USP31: variants seen among roughly 807,000 people sequenced by gnomAD.
The protein encoded by USP31 is ubiquitin specific peptidase 31.
Under a neutral mutation model 119.4 loss-of-function variants are expected in USP31, and 44 were observed. The ratio of observed to expected loss-of-function variants is 0.37; its 90% CI spans 0.29 to 0.47. The LOEUF is 0.47. Ranked by LOEUF, USP31 falls within the 20% of genes least tolerant of loss-of-function variation. The pLI is 0.99. For synonymous variants in USP31, 749 were observed against 705.6 expected (o/e 1.06, Z -0.97); for missense variants, 1,643 against 1,730.2 (o/e 0.95, Z 0.89).
chr16:23,134,802 G>A (rs1168305956), intron 1 of USP31, among the ~76,000 whole-genome samples: 1 of 151,596 alleles, frequency 6.6e-6, no homozygotes, highest in South Asian at 2.1e-4. Context: ...AAAACTTTCT[G>A]TAATATACAA....
intron 14 of USP31, 95 bp from the exon 15 acceptor site, chr16:23,072,292 G>C: frequency 6.6e-7 from 1 of 1,516,150 alleles, no homozygotes; most frequent in South Asian, 1.2e-5. Flanking sequence ...GAGCTGAGCT[G>C]GGGGGCGTTG....
intron 13 of USP31, among the ~76,000 whole-genome samples, chr16:23,074,612 A>C (rs761502498): frequency 2.0e-5 from 3 of 152,166 alleles, no homozygotes; most frequent in Non-Finnish European, 4.4e-5. Flanking sequence ...CTTGGCTTGC[A>C]CTTGAAGCCC....
intron 1 of USP31, among the ~76,000 whole-genome samples, chr16:23,148,138 G>A (rs1903581420): frequency 2.6e-5 from 4 of 152,014 alleles, no homozygotes; most frequent in Admixed American, 2.6e-4. Flanking sequence ...AATAAAAAAC[G>A]GTTAAATATG....
chr16:23,062,674 G>C lies in USP31; in HGVS notation c.*5372C>G, dbSNP rs1899892786. On this transcript the variant is annotated 3_prime_UTR_variant, in exon 16 of 16. Coordinates refer to ENST00000219689, the MANE Select transcript of USP31 (RefSeq NM_020718.4). ...TGGGGAAAAGGTTCTGGGGACAGAT[G>C]CAAACCCCGCGGGGACACTCAGCCT... The C allele has an allele frequency of 6.6e-6, 1 of 152,424 alleles. No homozygotes were observed. 9.4% of individuals were successfully genotyped at this position (152,424 alleles called of 1,614,324 possible). A position where few individuals can be genotyped will look rare whatever the true frequency, so the allele number is the denominator to read the frequency against.
At chr16:23,107,222 C>T (rs919176235) in intron 2 of USP31, among the ~76,000 whole-genome samples, 1 of 152,094 alleles carries the variant, frequency 6.6e-6, no homozygotes, top group Non-Finnish European at 1.5e-5. Flanking sequence ...TTGTATTTAA[C>T]TTTTCATGTC....
intron 11 of USP31, among the ~76,000 whole-genome samples, chr16:23,083,358 AAAC>A (rs1342206061): frequency 6.6e-5 from 10 of 152,118 alleles, no homozygotes; most frequent in Non-Finnish European, 1.5e-4. Context: ...ACTAGACTAC[AAAC>A]AGCATGAAGG....
At chr16:23,115,375 G>C (rs957652244) in intron 1 of USP31, among the ~76,000 whole-genome samples, 1 of 152,182 alleles carries the variant, frequency 6.6e-6, no homozygotes, top group African/African-American at 2.4e-5. Context: ...AATAGAATGT[G>C]GGCCAGGTGT....
At position 23,068,164 on chromosome 16, in the gene USP31, G is replaced by T; in HGVS notation, c.3941C>A (p.Ser1314Tyr). The T allele has an allele frequency of 6.2e-7, 1 of 1,614,204 alleles. No individual in the cohort carries two copies. The highest frequency in any genetic ancestry group is 8.5e-7 in the Non-Finnish European group (1 of 1,180,052). Reference sequence around the variant, plus strand: ...CGAGGGAACTCCAGAGTCTAGTTGGGAAGACTTGGATTTGCGAGCGGACAG... The same window carrying T: ...CGAGGGAACTCCAGAGTCTAGTTGGTAAGACTTGGATTTGCGAGCGGACAG... Reference protein sequence around the residue: ...SLLSARKSKSSQLDSGVPSSP... With the variant: ...SLLSARKSKSYQLDSGVPSSP... Residue 1314 changes from serine (S) to tyrosine (Y), a missense_variant, in exon 16 of 16, where the codon TCC becomes TAC. Around this residue, in one of 5 missense-constraint regions of USP31, gnomAD observed 699 missense variants for 650.9 expected, o/e 1.07. Coordinates refer to ENST00000219689, the MANE Select transcript of USP31 (RefSeq NM_020718.4).
At chr16:23,073,131 T>C (rs1596683630) in intron 14 of USP31, among the ~76,000 whole-genome samples, 2 of 152,236 alleles carry the variant, frequency 1.3e-5, no homozygotes, top group South Asian at 4.1e-4. Context: ...TGGGTACTGG[T>C]CCCTGCATTT....
chr16:23,062,304 A>G lies in USP31; in HGVS notation c.*5742T>C, dbSNP rs1184209308. ...CAGAGTGCCAAATTCTGGGATGTGT[A>G]TTACTTAATGGTAAAACAAACAAAA... On this transcript the variant is annotated 3_prime_UTR_variant, in exon 16 of 16. Transcript: ENST00000219689. 1.3e-5 allele frequency: 2 copies of G among 152,522 alleles called. No homozygotes were observed. Among genetic ancestry groups the G allele is most frequent in the Non-Finnish European group, 2.9e-5 (2 of 68,030 alleles). The allele number at this position is 152,522 out of a possible 1,614,324, so 9.4% of individuals were successfully genotyped here. A position where few individuals can be genotyped will look rare whatever the true frequency, so the allele number is the denominator to read the frequency against.
intron 1 of USP31, among the ~76,000 whole-genome samples, chr16:23,119,475 T>A (rs1902599339): frequency 6.6e-6 from 1 of 152,190 alleles, no homozygotes; most frequent in African/African-American, 2.4e-5. Context: ...TTCAACAAAG[T>A]ACCTTAAAAT....
At chr16:23,143,003 C>T (rs1457530272) in intron 1 of USP31, among the ~76,000 whole-genome samples, 3 of 152,178 alleles carry the variant, frequency 2.0e-5, no homozygotes, top group Non-Finnish European at 2.9e-5. Flanking sequence ...CATGGAAAAG[C>T]AGGCTGGGAA....
chr16:23,087,927 C>A, intron 7 of USP31, 92 bp from the exon 8 acceptor site: 4 of 1,119,200 alleles, frequency 3.6e-6, no homozygotes, highest in African/African-American at 1.6e-5. Flanking sequence ...AACGGAATCA[C>A]AATATAATTG....
chr16:23,123,590 G>A (rs1902751875), intron 1 of USP31, among the ~76,000 whole-genome samples: 1 of 151,942 alleles, frequency 6.6e-6, no homozygotes, highest in South Asian at 2.1e-4. Context: ...ACATTAAAAA[G>A]GAAAAACACT....
At chr16:23,130,367 C>T (rs1281558082) in intron 1 of USP31, among the ~76,000 whole-genome samples, 3 of 152,200 alleles carry the variant, frequency 2.0e-5, no homozygotes, top group African/African-American at 7.2e-5. Flanking sequence ...GGGAGTATCA[C>T]TTGAGGCCAG....
At chr16:23,069,689 G>C in intron 15 of USP31, 73 bp from the exon 16 acceptor site, 1 of 1,503,976 alleles carries the variant, frequency 6.6e-7, no homozygotes, top group Non-Finnish European at 8.9e-7. Flanking sequence ...AGACACTGAA[G>C]GTGAAACGAA....
rs1045346679 is a variant in USP31, at chr16:23,073,422, T to C, written c.2335+300A>G. Among the ~76,000 whole-genome samples, 6 of 152,018 alleles carry C rather than the reference T, an allele frequency of 3.9e-5. 1 individual carries two copies. The highest frequency in any genetic ancestry group is 1.4e-4 in the African/African-American group (6 of 41,390). On this transcript the variant is annotated intron_variant, in intron 14 of 15. Coordinates refer to ENST00000219689, the MANE Select transcript of USP31 (RefSeq NM_020718.4). ...TCCAGGATAACCCCAGGACAGCGGG[T>C]AGTATGCCACGCTGCTTTTCAGCTC...
In USP31 at chr16:23,061,445, T is replaced by C. The variant is rs1899824534; in HGVS notation, c.*6601A>G. On this transcript the variant is annotated 3_prime_UTR_variant, in exon 16 of 16. Coordinates refer to ENST00000219689, the MANE Select transcript of USP31 (RefSeq NM_020718.4). ...TTGTAATAAATTTATTGTATTTTGT[T>C]ACATTTTCCACTTTTCTCTTAATTC... The C allele has an allele frequency of 6.5e-6, 1 of 152,728 alleles. No individual in the cohort carries two copies. Among genetic ancestry groups the C allele is most frequent in the South Asian group, 2.1e-4 (1 of 4,820 alleles). The allele number at this position is 152,728 out of a possible 1,614,324, so 9.5% of individuals were successfully genotyped here.
Position 23,073,774 on chromosome 16 carries a change from GA to G in USP31, c.2282del (p.Phe761SerfsTer30). The G allele has an allele frequency of 6.2e-7, 1 of 1,613,938 alleles. No individual in the cohort carries two copies. Among genetic ancestry groups the G allele is most frequent in the South Asian group, 1.1e-5 (1 of 91,064 alleles). ...EVCTQTAYIL[F>X]YQRRTAIPSW... ...ACGGGATGGCTGTCCGCCTCTGGTAGAAGAGGATGTATGCTGTCTGCGTGCA... is the reference window on the plus strand; with the variant it reads ...ACGGGATGGCTGTCCGCCTCTGGTAGAGAGGATGTATGCTGTCTGCGTGCA... On this transcript the variant is annotated frameshift_variant, in exon 14 of 16. Coordinates refer to ENST00000219689, the MANE Select transcript of USP31 (RefSeq NM_020718.4). LOFTEE classifies it high-confidence loss of function.
Sources: allele counts gnomAD v4.1 joint callset (sites outside exome capture counted in the v4.1 genomes callset), GRCh38; gene constraint gnomAD v4.1.1; regional missense constraint gnomAD v4.1.1; transcripts MANE v1.5; gene names NCBI Gene and HGNC (gene_info 2026-07-23, HGNC 2026-07-21).